The following BMPR2 variants were observed in gnomAD, a reference collection of about 807,000 sequenced individuals.
The protein encoded by BMPR2 is bone morphogenetic protein receptor type 2, also known as bone morphogenetic protein receptor type-2.
Under a neutral mutation model 100.8 loss-of-function variants are expected in BMPR2, and 29 were observed. The observed-to-expected ratio is 0.29, with a 90% CI of 0.21 to 0.39. The LOEUF is 0.39. Ranked by LOEUF, BMPR2 falls within the 10% of genes least tolerant of loss-of-function variation. The pLI is 1.00. For synonymous variants in BMPR2, 382 were observed against 442.3 expected, an observed-to-expected ratio of 0.86 and a Z score of 1.71; for missense variants, 1,011 against 1,274.5, an observed-to-expected ratio of 0.79 and a Z score of 3.15.
At chr2:202,470,821 C>G (rs1431932220) in intron 3 of BMPR2, among the ~76,000 whole-genome samples, 2 of 151,030 alleles carry the variant, frequency 1.3e-5, no homozygotes, top group Non-Finnish European at 2.9e-5. Context: ...AATCCCAGCA[C>G]TTTGGCAGGC....
rs1691838504 is a variant in BMPR2 at position 202,445,845 on chromosome 2, G to A, written c.77-18964G>A. Among the ~76,000 whole-genome samples, 4 of 146,744 alleles carry A rather than the reference G, an allele frequency of 2.7e-5. 1 individual carries two copies. The highest frequency in any genetic ancestry group is 1.1e-4 in the African/African-American group (4 of 37,600). The stretch of plus-strand genomic sequence containing the variant: ...GCTGGAGTGCAGTGGCACAATCTCG[G>A]CTCACTGCAACTTCCGCCTCCTAGG... On this transcript the variant is annotated intron_variant, in intron 1 of 12. Coordinates refer to ENST00000374580, the MANE Select transcript of BMPR2 (RefSeq NM_001204.7).
chr2:202,489,282 C>T (rs1692848426), intron 3 of BMPR2, among the ~76,000 whole-genome samples: 1 of 152,096 alleles, frequency 6.6e-6, no homozygotes, highest in Admixed American at 6.5e-5. Flanking sequence ...GGATTACAGG[C>T]GTGAGCCACC....
At chr2:202,448,924 G>GGGGT (rs1691914349) in intron 1 of BMPR2, among the ~76,000 whole-genome samples, 1 of 142,814 alleles carries the variant, frequency 7.0e-6, no homozygotes. Flanking sequence ...GTTTAGAATT[G>GGGGT]GTGTGTGTGT....
chr2:202,503,189 G>C lies in BMPR2; in HGVS notation c.419-10530G>C, dbSNP rs552036889. Reference sequence around the variant, plus strand: ...TTCCCAACAGCATTTGGGGTGTCCTGTTTAGAGGGGGGATTGAGAGGTAAC... The same window carrying C: ...TTCCCAACAGCATTTGGGGTGTCCTCTTTAGAGGGGGGATTGAGAGGTAAC... On this transcript the variant is annotated intron_variant, in intron 3 of 12. Coordinates refer to ENST00000374580, the MANE Select transcript of BMPR2 (RefSeq NM_001204.7). This position sits in a 1 kb window ranked among gnomAD's most constrained non-coding sequence, Gnocchi z 4.0. Among the ~76,000 whole-genome samples, 10 of 152,346 alleles carry C rather than the reference G, an allele frequency of 6.6e-5. No individual in the cohort carries two copies. The highest frequency in any genetic ancestry group is 2.4e-4 in the African/African-American group (10 of 41,590).
intron 1 of BMPR2, among the ~76,000 whole-genome samples, chr2:202,450,441 C>T (rs1249997321): frequency 6.6e-6 from 1 of 152,046 alleles, no homozygotes; most frequent in Non-Finnish European, 1.5e-5. Flanking sequence ...CTTGTAATCC[C>T]AGCACTTTGG....
chr2:202,452,927 A>T (rs1220069336), intron 1 of BMPR2, among the ~76,000 whole-genome samples: 1 of 152,186 alleles, frequency 6.6e-6, no homozygotes, highest in Non-Finnish European at 1.5e-5. Flanking sequence ...CTTCAGAGAA[A>T]TGTTTAAGAG....
In BMPR2 at chr2:202,438,056, A is replaced by G. The variant is rs1171698714; in HGVS notation, c.77-26753A>G. Among the ~76,000 whole-genome samples the G allele has an allele frequency of 1.3e-5, 2 of 150,196 alleles. 1 individual carries two copies. The highest frequency in any genetic ancestry group is 5.0e-5 in the African/African-American group (2 of 39,646). ...TGGCCAGGCACAGTGGCTCATGCCT[A>G]TAATCCCAGCACTTTGGGAGGTGAA... On this transcript the variant is annotated intron_variant, in intron 1 of 12. Transcript: ENST00000374580.
At chr2:202,464,136 G>A (rs1692272800) in intron 1 of BMPR2, among the ~76,000 whole-genome samples, 1 of 134,344 alleles carries the variant, frequency 7.4e-6, no homozygotes, top group African/African-American at 2.8e-5. Context: ...TCCAGCCTGG[G>A]CATCAAGAGC....
intron 1 of BMPR2, among the ~76,000 whole-genome samples, chr2:202,402,953 G>A (rs918389186): frequency 5.0e-5 from 7 of 139,366 alleles, no homozygotes; most frequent in African/African-American, 1.6e-4. Flanking sequence ...CTCAGCCTCC[G>A]GAGTAGATGG....
chr2:202,465,091 A>G, intron 2 of BMPR2, 112 bp downstream of exon 2: 1 of 1,392,624 alleles, frequency 7.2e-7, no homozygotes, highest in South Asian at 1.2e-5. Flanking sequence ...TGAATTTAAA[A>G]GTGTATATAT....
chr2:202,498,744 C>T (rs188547360), intron 3 of BMPR2, among the ~76,000 whole-genome samples: 13 of 151,864 alleles, frequency 8.6e-5, no homozygotes, highest in Admixed American at 2.6e-4. Flanking sequence ...TTCTGCACTA[C>T]GGCTTGGCCC....
At chr2:202,457,187 C>T (rs529730483) in intron 1 of BMPR2, among the ~76,000 whole-genome samples, 1 of 152,210 alleles carries the variant, frequency 6.6e-6, no homozygotes, top group South Asian at 2.1e-4. Flanking sequence ...GTATTAGCAT[C>T]TGATCCAAAA....
chr2:202,492,539 A>T (rs1030588589), intron 3 of BMPR2, among the ~76,000 whole-genome samples: 1 of 151,622 alleles, frequency 6.6e-6, no homozygotes, highest in African/African-American at 2.4e-5. Flanking sequence ...TTCTCTACTA[A>T]AAGTACAAAA....
rs114339346 is a variant in BMPR2, at chr2:202,485,512, C to T, written c.418+17823C>T. Among the ~76,000 whole-genome samples, 675 of 142,116 alleles carry T rather than the reference C, an allele frequency of 4.7e-3. 2 individuals carry two copies. The highest frequency in any genetic ancestry group is 7.2e-3 in the Non-Finnish European group (471 of 65,856). 93.2% of individuals were successfully genotyped at this position (142,116 alleles called of 152,430 possible). A position where few individuals can be genotyped will look rare whatever the true frequency, so the allele number is the denominator to read the frequency against. On this transcript the variant is annotated intron_variant, in intron 3 of 12. Coordinates refer to ENST00000374580, the MANE Select transcript of BMPR2 (RefSeq NM_001204.7). ...GCTTCTGCCTTCACATGGCCTTCATCTCTATGTGTCTCAAATCTCCCTTTG... is the reference window on the plus strand; with the variant it reads ...GCTTCTGCCTTCACATGGCCTTCATTTCTATGTGTCTCAAATCTCCCTTTG...
chr2:202,559,839 GGCA>G lies in BMPR2; in HGVS notation c.3012_3014del (p.Ser1005del). ...GCTGGACTGTGAAGTCAACAATAAT[GGCA>G]GTAACAGGGCAGTTCATTCCAAATC... On this transcript the variant is annotated inframe_deletion, in exon 13 of 13. Coordinates refer to ENST00000374580, the MANE Select transcript of BMPR2 (RefSeq NM_001204.7). The G allele has an allele frequency of 6.2e-7, 1 of 1,614,076 alleles. No individual in the cohort carries two copies. Among genetic ancestry groups the G allele is most frequent in the Non-Finnish European group, 8.5e-7 (1 of 1,180,028 alleles).
At chr2:202,419,346 CATTT>C (rs1691208455) in intron 1 of BMPR2, among the ~76,000 whole-genome samples, 1 of 151,784 alleles carries the variant, frequency 6.6e-6, no homozygotes, top group African/African-American at 2.4e-5. Flanking sequence ...TATTTTTGTT[CATTT>C]ATTTATTTTT....
At chr2:202,456,916 G>A (rs1243711859) in intron 1 of BMPR2, among the ~76,000 whole-genome samples, 1 of 152,176 alleles carries the variant, frequency 6.6e-6, no homozygotes, top group Non-Finnish European at 1.5e-5. Context: ...GGCTTCATAT[G>A]TGGGTGTCTC....
intron 1 of BMPR2, among the ~76,000 whole-genome samples, chr2:202,411,781 C>T (rs182112233): frequency 2.0e-3 from 297 of 152,244 alleles, no homozygotes; most frequent in African/African-American, 6.7e-3. Context: ...CATGAGAAAA[C>T]AGAGATAAAC....
chr2:202,490,749 G>A lies in BMPR2; in HGVS notation c.419-22970G>A, dbSNP rs991514791. Among the ~76,000 whole-genome samples the A allele has an allele frequency of 8.9e-4, 136 of 152,260 alleles. 1 individual carries two copies. Among genetic ancestry groups the A allele is most frequent in the African/African-American group, 3.1e-3 (128 of 41,552 alleles). On this transcript the variant is annotated intron_variant, in intron 3 of 12. Coordinates refer to ENST00000374580, the MANE Select transcript of BMPR2 (RefSeq NM_001204.7). ...AAGAGAACATAAAAGAATAGGAAGG[G>A]TAAAGAGTAGGATTAGGGAAAAGAA...
Sources: gnomAD v4.1 joint callset for allele counts (sites outside exome capture counted in the v4.1 genomes callset) on GRCh38, gnomAD v4.1.1 for gene constraint, Gnocchi (gnomAD v3.1) non-coding constraint, MANE v1.5 for transcripts, NCBI Gene and HGNC (gene_info 2026-07-23, HGNC 2026-07-21) for gene names.